Variants in LRCH4 observed in about 807,000 individuals in gnomAD.
LRCH4 encodes the protein leucine rich repeats and calponin homology domain containing 4, also known as leucine-rich repeat and calponin homology domain-containing protein 4.
A neutral mutation model predicts 81.2 loss-of-function variants in LRCH4; 56 were observed. The ratio of observed to expected loss-of-function variants is 0.69; its 90% CI spans 0.56 to 0.86. The LOEUF is 0.86. LRCH4 is among the 40% of genes least tolerant of loss of function. The pLI is 0.00. For synonymous variants in LRCH4, 442 were observed against 409.7 expected (o/e 1.08, Z -0.95); for missense variants, 895 against 922.8 (o/e 0.97, Z 0.39).
rs73711136 is a variant in LRCH4, at chr7:100,574,165, C to A, written c.*942G>T. The A allele has an allele frequency of 0.086, 13,779 of 159,346 alleles. 723 individuals carry two copies. The highest frequency in any genetic ancestry group is 0.15 in the African/African-American group (6,040 of 41,600). 9.9% of individuals were successfully genotyped at this position (159,346 alleles called of 1,614,324 possible). A position where few individuals can be genotyped will look rare whatever the true frequency, so the allele number is the denominator to read the frequency against. The stretch of plus-strand genomic sequence containing the variant: ...GCCCAGGCCCAGGCCACCCTCACCA[C>A]GTGCTTCTCTGAGAGCGCGGAGCCC... On this transcript the variant is annotated 3_prime_UTR_variant, in exon 18 of 18. Coordinates refer to ENST00000310300, the MANE Select transcript of LRCH4 (RefSeq NM_002319.5).
rs770865237 is a variant in LRCH4 at position 100,577,301 on chromosome 7, C to T, written c.1267G>A (p.Gly423Arg). The T allele has an allele frequency of 1.1e-5, 18 of 1,597,772 alleles. No homozygotes were observed. The highest frequency in any genetic ancestry group is 5.5e-5 in the South Asian group (5 of 90,724). ...TCCTTCCTCGGGGCCCCCCACGCCC[C>T]GCTCTGCTGCTGCTGCCGCCGTTCC... ...ERERRQQQQS[G>R]AWGAPRKDSL... is the part of the protein sequence containing the mutation. The change falls in exon 11 of 18, where the codon GGG becomes AGG. Residue 423 changes from glycine to arginine, a missense_variant. Gly to Arg is a moderately radical substitution (Grantham distance 125). Around this residue, in one of 3 missense-constraint regions of LRCH4, gnomAD observed 529 missense variants for 504.9 expected, o/e 1.05. Coordinates refer to ENST00000310300, the MANE Select transcript of LRCH4 (RefSeq NM_002319.5). The surrounding 1 kb of genome is among the most constrained non-coding windows in gnomAD (Gnocchi z 6.7).
chr7:100,581,981 C>G (rs1801573691), intron 3 of LRCH4, 60 bp downstream of exon 3: 2 of 1,602,148 alleles, frequency 1.2e-6, no homozygotes, highest in Admixed American at 1.7e-5. Context: ...CCAACCTCCC[C>G]CTAGAAGGTC....
chr7:100,584,373 C>T (rs563084840), intron 1 of LRCH4, among the ~76,000 whole-genome samples: 3 of 151,770 alleles, frequency 2.0e-5, no homozygotes, highest in South Asian at 2.1e-4. Flanking sequence ...GACCCCCCCC[C>T]AAGCTCACAG....
chr7:100,576,094 G>A (rs1477690069), intron 15 of LRCH4, 86 bp from the exon 16 acceptor site: 3 of 1,506,634 alleles, frequency 2.0e-6, no homozygotes, highest in South Asian at 1.2e-5. Flanking sequence ...GGGCTAGCAG[G>A]GAACTTGTGC....
chr7:100,584,799 T>C (rs1359248305), intron 1 of LRCH4: 1 of 456,618 alleles, frequency 2.2e-6, no homozygotes, highest in Admixed American at 2.3e-5. Context: ...AGCAGGCACC[T>C]GCTTAGGGAG....
chr7:100,576,914 TG>T lies in LRCH4; in HGVS notation c.1455del (p.Ile486Ter). ...ATCCCTGTCCCACCTGGTCCAGCTATGGGAAGGGGCTCTTGGGAGGCAGGGG... is the reference window on the plus strand; with the variant it reads ...ATCCCTGTCCCACCTGGTCCAGCTATGGAAGGGGCTCTTGGGAGGCAGGGG... The part of the protein sequence containing the change: ...APAPASQEPL[P>X]IAGPATAPAP... On this transcript the variant is annotated frameshift_variant, in exon 13 of 18. Coordinates refer to ENST00000310300, the MANE Select transcript of LRCH4 (RefSeq NM_002319.5). LOFTEE classifies it high-confidence loss of function. 6.4e-7 allele frequency: 1 copy of T among 1,556,092 alleles called. No homozygotes were observed. The highest frequency in any genetic ancestry group is 8.7e-7 in the Non-Finnish European group (1 of 1,147,726).
intron 1 of LRCH4, chr7:100,584,735 C>A: frequency 2.2e-6 from 1 of 456,640 alleles, no homozygotes; most frequent in Non-Finnish European, 4.4e-6. Flanking sequence ...GACTGGTTCT[C>A]CCCAGAAGAG....
chr7:100,584,724 C>T (rs1284788079), intron 1 of LRCH4: 7 of 456,630 alleles, frequency 1.5e-5, no homozygotes, highest in Admixed American at 4.7e-5. Context: ...GGGGAGGTTT[C>T]GACTGGTTCT....
At chr7:100,585,010 A>AC in intron 1 of LRCH4, 1 of 347,644 alleles carries the variant, frequency 2.9e-6, no homozygotes, top group African/African-American at 2.2e-5. Context: ...CCCACCCCCT[A>AC]CCATCCACAG....
At chr7:100,584,394 G>T (rs1172938136) in intron 1 of LRCH4, among the ~76,000 whole-genome samples, 1 of 151,778 alleles carries the variant, frequency 6.6e-6, no homozygotes. Flanking sequence ...GAGCACGGCT[G>T]CACCCTGAGC....
intron 1 of LRCH4, chr7:100,584,931 C>T (rs1211943710): frequency 5.3e-6 from 2 of 375,128 alleles, no homozygotes; most frequent in Admixed American, 3.2e-5. Context: ...CCACCCCCAG[C>T]TGCCGGCCCA....
In LRCH4 at chr7:100,575,558, C is replaced by T. The variant is rs1001743966; in HGVS notation, c.1854+147G>A. 5 of 1,021,210 alleles carry T rather than the reference C, an allele frequency of 4.9e-6. No homozygotes were observed. In the Admixed American group the frequency reaches 6.8e-5, roughly 14 times the overall value. 63.3% of individuals were successfully genotyped at this position (1,021,210 alleles called of 1,614,324 possible). On this transcript the variant is annotated intron_variant, in intron 17 of 17. Transcript: ENST00000310300. The surrounding 1 kb of genome is among the most constrained non-coding windows in gnomAD (Gnocchi z 5.3). ...GGTGACATGCAGGGCAGGGGGCATG[C>T]AGGGCAGGGGGCATGCTGGGCAGGG...
In LRCH4 at chr7:100,577,949, CTGTACATGGGGGCTCAGGA is replaced by C. The variant is rs1180768836; in HGVS notation, c.949-56_949-38del. 6.4e-7 allele frequency: 1 copy of C among 1,560,668 alleles called. No homozygotes were observed. The highest frequency in any genetic ancestry group is 1.7e-5 in the Admixed American group (1 of 59,444). ...GAGGCAGAGATGGGAGATGGCCTCTCTGTACATGGGGGCTCAGGACCTGGGGGGTCCTGTGTGGGACTAA... is the reference window on the plus strand; with the variant it reads ...GAGGCAGAGATGGGAGATGGCCTCTCCCTGGGGGGTCCTGTGTGGGACTAA... On this transcript the variant is annotated intron_variant, in intron 7 of 17. Coordinates refer to ENST00000310300, the MANE Select transcript of LRCH4 (RefSeq NM_002319.5). The surrounding 1 kb of genome is among the most constrained non-coding windows in gnomAD (Gnocchi z 6.7).
In LRCH4 at chr7:100,578,115, C is replaced by T. The variant is rs370918792; in HGVS notation, c.948+44G>A. On this transcript the variant is annotated intron_variant, in intron 7 of 17. Transcript: ENST00000310300. The surrounding 1 kb of genome is among the most constrained non-coding windows in gnomAD (Gnocchi z 5.7). ...AGGTCCCCAGTTCAGAGGTGCTCTCCCAGGGCTGACACCCTCAATCACCCA... is the reference window on the plus strand; with the variant it reads ...AGGTCCCCAGTTCAGAGGTGCTCTCTCAGGGCTGACACCCTCAATCACCCA... 2.3e-5 allele frequency: 37 copies of T among 1,589,974 alleles called. No homozygotes were observed. In the South Asian group the frequency reaches 2.9e-4, roughly 12 times the overall value.
chr7:100,581,795 GC>G lies in LRCH4; in HGVS notation c.579del (p.Gln193HisfsTer34). The G allele has an allele frequency of 6.2e-7, 1 of 1,614,200 alleles. No individual in the cohort carries two copies. Among genetic ancestry groups the G allele is most frequent in the Non-Finnish European group, 8.5e-7 (1 of 1,180,016 alleles). On this transcript the variant is annotated frameshift_variant, in exon 4 of 18. Transcript: ENST00000310300. LOFTEE classifies it high-confidence loss of function. Reference sequence around the variant, plus strand: ...TTCTCACCTTCGGGCAGCGTACTGAGCTGGTTCCTCCGGACATTGAGGTCCC... The same window carrying G: ...TTCTCACCTTCGGGCAGCGTACTGAGTGGTTCCTCCGGACATTGAGGTCCC... ...SLRDLNVRRN[Q>X]LSTLPEELGD...
Position 100,577,184 on chromosome 7 carries a change from C to T in LRCH4, c.1296-30G>A. On this transcript the variant is annotated intron_variant, in intron 11 of 17. Coordinates refer to ENST00000310300, the MANE Select transcript of LRCH4 (RefSeq NM_002319.5). This position sits in a 1 kb window ranked among gnomAD's most constrained non-coding sequence, Gnocchi z 6.7. ...AACAAGGAGAGGTGGGGTCAGCTAG[C>T]CCCAAGGCAGAACGGCTCAGCGGGG... 2 of 1,613,294 alleles carry T rather than the reference C, an allele frequency of 1.2e-6. No homozygotes were observed. Among genetic ancestry groups the T allele is most frequent in the Non-Finnish European group, 1.7e-6 (2 of 1,179,978 alleles).
At chr7:100,579,911 C>T (rs765990763) in intron 4 of LRCH4, 19 of 152,270 alleles carry the variant, frequency 1.2e-4, no homozygotes, top group Non-Finnish European at 2.1e-4. Context: ...GTCCCCAGGA[C>T]ATCTTGCTTG....
At position 100,581,891 on chromosome 7, in the gene LRCH4, A is replaced by G. The variant is rs759599623; in HGVS notation, c.493-9T>C. 1.4e-5 allele frequency: 23 copies of G among 1,613,906 alleles called. No homozygotes were observed. Among genetic ancestry groups the G allele is most frequent in the Non-Finnish European group, 1.6e-5 (19 of 1,179,948 alleles). Reference sequence around the variant, plus strand: ...TCGTTGCTGCTCACGTCCTGGTATCAGGAAGGCAGTGGGAAGGGGCCATGA... The same window carrying G: ...TCGTTGCTGCTCACGTCCTGGTATCGGGAAGGCAGTGGGAAGGGGCCATGA... On this transcript the variant is annotated splice_polypyrimidine_tract_variant and intron_variant, in intron 3 of 17. Coordinates refer to ENST00000310300, the MANE Select transcript of LRCH4 (RefSeq NM_002319.5).
intron 1 of LRCH4, chr7:100,584,647 G>A (rs1214453340): frequency 2.2e-6 from 1 of 455,396 alleles, no homozygotes; most frequent in Non-Finnish European, 4.4e-6. Flanking sequence ...GGGCTGTAAG[G>A]GGCAGGAATG....
Sources: gnomAD v4.1 joint callset for allele counts (sites outside exome capture counted in the v4.1 genomes callset) on GRCh38, gnomAD v4.1.1 for gene constraint, gnomAD v4.1.1 regional missense constraint, Gnocchi (gnomAD v3.1) non-coding constraint, MANE v1.5 for transcripts, NCBI Gene and HGNC (gene_info 2026-07-23, HGNC 2026-07-21) for gene names.